RHCG: variants seen among roughly 807,000 people sequenced by gnomAD.
The protein encoded by RHCG is ammonium transporter Rh type C.
In RHCG, 39 loss-of-function variants were observed where a neutral mutation model predicts 55.3. The observed-to-expected ratio is 0.70, with a 90% CI of 0.55 to 0.92. The LOEUF (loss-of-function observed/expected upper bound fraction) is 0.92. Among genes scored for constraint, RHCG ranks in the 40% least tolerant of loss-of-function variants. RHCG has a pLI of 0.00. For missense variants in RHCG, 635 were observed against 627.9 expected, an observed-to-expected ratio of 1.01 and a Z score of -0.12; for synonymous variants, 250 against 246.8, an observed-to-expected ratio of 1.01 and a Z score of -0.12.
intron 1 of RHCG, among the ~76,000 whole-genome samples, chr15:89,489,559 C>T (rs74032414): frequency 6.6e-6 from 1 of 152,036 alleles, no homozygotes. Flanking sequence ...CACCTGTCTC[C>T]CGGGGGATTC....
chr15:89,494,849 G>A (rs1961537608), intron 1 of RHCG, among the ~76,000 whole-genome samples: 1 of 152,054 alleles, frequency 6.6e-6, no homozygotes, highest in African/African-American at 2.4e-5. Context: ...CAGACACATT[G>A]AGGACCTGTG....
chr15:89,476,657 C>T (rs535665840), intron 9 of RHCG, 98 bp downstream of exon 9: 86 of 983,400 alleles, frequency 8.7e-5, no homozygotes, highest in South Asian at 6.1e-4. Context: ...CCCCCACCCC[C>T]GGCATCTGGG....
At chr15:89,494,679 G>C (rs1961534769) in intron 1 of RHCG, among the ~76,000 whole-genome samples, 1 of 147,292 alleles carries the variant, frequency 6.8e-6, no homozygotes, top group South Asian at 2.1e-4. Flanking sequence ...GATTCACTCT[G>C]TCACCTAGGC....
At chr15:89,486,599 A>AGAGGGTGTGT in intron 2 of RHCG, 200 bp downstream of exon 2, 1 of 236,650 alleles carries the variant, frequency 4.2e-6, no homozygotes, top group Admixed American at 5.9e-5. Flanking sequence ...AGAGAGAGAG[A>AGAGGGTGTGT]GTGTGTGTGT....
rs1567224051 is a variant in RHCG at position 89,474,984 on chromosome 15, G to GA, written c.1311+1770_1311+1771insT. ...TGCCTGCCTGCCTTCATTCATTCCT[G>GA]CCTGCCTGCCTTCCTTCCTTCCTGC... On this transcript the variant is annotated intron_variant, in intron 9 of 10. Coordinates refer to ENST00000268122, the MANE Select transcript of RHCG (RefSeq NM_016321.3). 9.6e-4 allele frequency among the ~76,000 whole-genome samples: 72 copies of GA among 75,144 alleles called. 11 individuals are homozygous for GA. Among genetic ancestry groups the GA allele is most frequent in the Middle Eastern group, 0.011 (1 of 94 alleles). The allele number at this position is 75,144 out of a possible 152,430, so 49.3% of individuals were successfully genotyped here.
In RHCG at chr15:89,472,979, G is replaced by A. The variant is rs1002118414; in HGVS notation, c.1312-116C>T. 1.2e-4 allele frequency: 144 copies of A among 1,200,740 alleles called. 1 individual carries two copies. The highest frequency in any genetic ancestry group is 1.7e-4 in the African/African-American group (11 of 63,464). The allele number at this position is 1,200,740 out of a possible 1,614,324, so 74.4% of individuals were successfully genotyped here. A position where few individuals can be genotyped will look rare whatever the true frequency, so the allele number is the denominator to read the frequency against. On this transcript the variant is annotated intron_variant, in intron 9 of 10. Coordinates refer to ENST00000268122, the MANE Select transcript of RHCG (RefSeq NM_016321.3). ...TGGCGAGCGCCACCTTGTGATCGCC[G>A]TGCGGATCACATGCCACGGAGAGCA...
chr15:89,476,923 T>C (rs1406933940), intron 8 of RHCG, 95 bp from the exon 9 acceptor site: 6 of 1,534,730 alleles, frequency 3.9e-6, no homozygotes, highest in Admixed American at 3.4e-5. Context: ...CCTGGGGCCC[T>C]TGGGCTGAGT....
intron 9 of RHCG, among the ~76,000 whole-genome samples, chr15:89,474,923 TGCC>T (rs1961110975): frequency 1.5e-4 from 21 of 139,262 alleles, no homozygotes; most frequent in African/African-American, 6.1e-4. Context: ...CCTTCCTGCC[TGCC>T]TGCCTTCCTG....
At position 89,486,792 on chromosome 15, in the gene RHCG, C is replaced by T. The variant is rs769397077; in HGVS notation, c.371+7G>A. On this transcript the variant is annotated splice_region_variant and intron_variant, in intron 2 of 10. Transcript: ENST00000268122. Reference sequence around the variant, plus strand: ...CGCCACGCCCCCGGGGCCCGCCCTGCGCTCACTTCTCCACGCCCACGACGA... The same window carrying T: ...CGCCACGCCCCCGGGGCCCGCCCTGTGCTCACTTCTCCACGCCCACGACGA... The T allele has an allele frequency of 6.3e-7, 1 of 1,580,840 alleles. No homozygotes were observed. Among genetic ancestry groups the T allele is most frequent in the East Asian group, 2.3e-5 (1 of 44,262 alleles).
At position 89,486,999 on chromosome 15, in the gene RHCG, G is replaced by A. The variant is rs1311539186; in HGVS notation, c.185-14C>T. ...CGTCCTGGAAGCCTGCGGGGACAGT[G>A]CAGCCCGGGACTCGGTGGTCTGGCG... On this transcript the variant is annotated splice_polypyrimidine_tract_variant and intron_variant, in intron 1 of 10. Transcript: ENST00000268122. 1 of 1,556,792 alleles carries A rather than the reference G, an allele frequency of 6.4e-7. No individual in the cohort carries two copies. The highest frequency in any genetic ancestry group is 1.2e-5 in the South Asian group (1 of 85,002).
intron 5 of RHCG, among the ~76,000 whole-genome samples, chr15:89,479,000 T>C (rs1057278305): frequency 6.7e-6 from 1 of 148,186 alleles, no homozygotes; most frequent in African/African-American, 2.6e-5. Flanking sequence ...GTTGGGAAAC[T>C]GAGACAAGAG....
intron 2 of RHCG, among the ~76,000 whole-genome samples, chr15:89,484,779 C>CAAA (rs59658119): frequency 4.9e-5 from 5 of 101,396 alleles, no homozygotes; most frequent in African/African-American, 7.1e-5. Context: ...AACTCAGTCT[C>CAAA]AAAAAAAAAA....
intron 3 of RHCG, 95 bp downstream of exon 3, chr15:89,482,972 C>T: frequency 7.1e-6 from 9 of 1,259,036 alleles, no homozygotes; most frequent in Non-Finnish European, 8.5e-6. Context: ...AGTGACTCGC[C>T]AGGCTGGCAT....
At position 89,477,241 on chromosome 15, in the gene RHCG, T is replaced by C. The variant is rs774583867; in HGVS notation, c.1113-35A>G. The C allele has an allele frequency of 6.2e-7, 1 of 1,611,774 alleles. No individual in the cohort carries two copies. The highest frequency in any genetic ancestry group is 1.1e-5 in the South Asian group (1 of 90,936). On this transcript the variant is annotated intron_variant, in intron 7 of 10. Coordinates refer to ENST00000268122, the MANE Select transcript of RHCG (RefSeq NM_016321.3). The surrounding 1 kb of genome is among the most constrained non-coding windows in gnomAD (Gnocchi z 4.5). ...AGACAGGGGGCAGGTCAGGGCCCCA[T>C]GGAGAGGCCAAGTAACAGCTTGCTG...
rs1209826016 is a variant in RHCG, at chr15:89,476,006, G to GCTCT, written c.1311+745_1311+748dup. 8.8e-3 allele frequency among the ~76,000 whole-genome samples: 1,214 copies of GCTCT among 137,908 alleles called. 21 individuals carry two copies. The highest frequency in any genetic ancestry group is 0.039 in the African/African-American group (1,150 of 29,450). The allele number at this position is 137,908 out of a possible 152,430, so 90.5% of individuals were successfully genotyped here. A position where few individuals can be genotyped will look rare whatever the true frequency, so the allele number is the denominator to read the frequency against. ...CTTTGCATTTCTCTCTCTCTCTCTT[G>GCTCT]CTCTCGCTCTCTCTCTCTCTCTCTC... On this transcript the variant is annotated intron_variant, in intron 9 of 10. Coordinates refer to ENST00000268122, the MANE Select transcript of RHCG (RefSeq NM_016321.3).
At chr15:89,488,461 A>ATTATAC (rs1373598995) in intron 1 of RHCG, among the ~76,000 whole-genome samples, 1 of 152,202 alleles carries the variant, frequency 6.6e-6, no homozygotes, top group African/African-American at 2.4e-5. Context: ...AATAACAGTA[A>ATTATAC]TTATACTGGG....
At position 89,480,426 on chromosome 15, in the gene RHCG, T is replaced by C. The variant is rs144637012; in HGVS notation, c.523-18A>G. 3.7e-6 allele frequency: 6 copies of C among 1,606,776 alleles called. No individual in the cohort carries two copies. In the African/African-American group the frequency reaches 5.3e-5, roughly 14 times the overall value. On this transcript the variant is annotated intron_variant, in intron 3 of 10. Transcript: ENST00000268122. ...TCCTTCACCTGGGGTGCAAGGGGCC[T>C]GTCAGACTCTGGCACCTTCTCTCCC...
chr15:89,473,107 G>A lies in RHCG; in HGVS notation c.1312-244C>T, dbSNP rs147187571. 2.6e-5 allele frequency among the ~76,000 whole-genome samples: 4 copies of A among 152,332 alleles called. No homozygotes were observed. In the East Asian group the frequency reaches 7.7e-4, roughly 29 times the overall value. On this transcript the variant is annotated intron_variant, in intron 9 of 10. Coordinates refer to ENST00000268122, the MANE Select transcript of RHCG (RefSeq NM_016321.3). ...GAGACAGTGTCCTTGCCCCATGAGA[G>A]CAATGGTGAGGCATTGCAGTGAAAT...
chr15:89,482,539 A>T (rs558935509), intron 3 of RHCG, among the ~76,000 whole-genome samples: 1 of 152,228 alleles, frequency 6.6e-6, no homozygotes, highest in South Asian at 2.1e-4. Flanking sequence ...GAGGCTTCTG[A>T]GATAGAGTCA....
Sources: gnomAD v4.1 joint callset for allele counts (sites outside exome capture counted in the v4.1 genomes callset) on GRCh38, gnomAD v4.1.1 for gene constraint, Gnocchi (gnomAD v3.1) non-coding constraint, MANE v1.5 for transcripts, NCBI Gene and HGNC (gene_info 2026-07-23, HGNC 2026-07-21) for gene names.